Variants in CSDE1 observed in about 807,000 individuals in gnomAD.
CSDE1 encodes the protein cold shock domain containing E1.
CSDE1 carries 17 observed loss-of-function variants against 89.3 expected under a neutral mutation model. The observed-to-expected ratio is 0.19, with a 90% CI of 0.13 to 0.29. CSDE1 has a LOEUF of 0.29. CSDE1 is among the 10% of genes least tolerant of loss of function. The pLI, the probability that CSDE1 is intolerant of heterozygous loss-of-function variation, is 1.00. For missense variants in CSDE1, 672 were observed against 984.2 expected, an observed-to-expected ratio of 0.68 and a Z score of 4.24; for synonymous variants, 322 against 332.8, an observed-to-expected ratio of 0.97 and a Z score of 0.35.
chr1:114,750,555 T>C (rs375728113), intron 1 of CSDE1, among the ~76,000 whole-genome samples: 9 of 152,026 alleles, frequency 5.9e-5, no homozygotes, highest in South Asian at 2.1e-4. Context: ...CATGAGAGCA[T>C]AGACAATCTT....
At chr1:114,721,853 T>G (rs1391918339) in intron 16 of CSDE1, among the ~76,000 whole-genome samples, 1 of 150,366 alleles carries the variant, frequency 6.7e-6, no homozygotes, top group East Asian at 2.0e-4. Context: ...CCCGAAGTGT[T>G]GGGTTTACAG....
intron 8 of CSDE1, 47 bp downstream of exon 8, chr1:114,733,942 A>G (rs2101042300): frequency 6.2e-7 from 1 of 1,606,534 alleles, no homozygotes; most frequent in Non-Finnish European, 8.5e-7. Flanking sequence ...AACATAAACC[A>G]ACTCTGATCT....
Position 114,730,496 on chromosome 1 carries a change from G to GA in CSDE1, c.1191+11dup. Reference sequence around the variant, plus strand: ...AAGAAACACCTCCCAACTTTTCTCAGAAACAACTCACAGGAACCACAGTAA... The same window carrying GA: ...AAGAAACACCTCCCAACTTTTCTCAGAAAACAACTCACAGGAACCACAGTAA... On this transcript the variant is annotated intron_variant, in intron 11 of 19. Transcript: ENST00000358528. 6.2e-7 allele frequency: 1 copy of GA among 1,612,906 alleles called. No individual in the cohort carries two copies.
intron 16 of CSDE1, among the ~76,000 whole-genome samples, chr1:114,722,518 C>G (rs1207054147): frequency 2.0e-5 from 3 of 152,154 alleles, no homozygotes; most frequent in Non-Finnish European, 4.4e-5. Context: ...TAGTTCTTAC[C>G]AAGTGGGAAA....
At position 114,726,213 on chromosome 1, in the gene CSDE1, G is replaced by A; in HGVS notation, c.1638C>T (p.Tyr546=). The part of the protein sequence containing the change: ...ANHDKEIFFH[Y]SEFSGDVDSL... ...AGTTCCTGAAAGTCACGCCTTACCT[G>A]TAATGGAAAAAGATTTCCTTATCAT... Residue 546 remains tyrosine (Y), a splice_region_variant and synonymous_variant, in exon 14 of 20, where the codon TAC becomes TAT. Transcript: ENST00000358528. 1.2e-6 allele frequency: 2 copies of A among 1,604,968 alleles called. No homozygotes were observed. Among genetic ancestry groups the A allele is most frequent in the African/African-American group, 1.3e-5 (1 of 74,558 alleles).
intron 2 of CSDE1, among the ~76,000 whole-genome samples, chr1:114,742,143 C>T (rs1167407556): frequency 5.9e-5 from 9 of 152,154 alleles, no homozygotes; most frequent in African/African-American, 2.2e-4. Flanking sequence ...CTATGAGTAT[C>T]ATGTATTACT....
At chr1:114,724,530 A>G (rs1659694793) in intron 15 of CSDE1, among the ~76,000 whole-genome samples, 1 of 152,216 alleles carries the variant, frequency 6.6e-6, no homozygotes, top group Non-Finnish European at 1.5e-5. Flanking sequence ...AAAACATAAC[A>G]CACACTTAAG....
At chr1:114,740,512 A>T (rs916369594) in intron 2 of CSDE1, among the ~76,000 whole-genome samples, 3 of 152,232 alleles carry the variant, frequency 2.0e-5, no homozygotes, top group African/African-American at 7.2e-5. Flanking sequence ...CCAAGACAGC[A>T]AAAGCATTTC....
rs1570962596 is a variant in CSDE1 at position 114,753,218 on chromosome 1, C to G, written c.-387-3011G>C. 2.0e-5 allele frequency among the ~76,000 whole-genome samples: 3 copies of G among 152,260 alleles called. No homozygotes were observed. The East Asian group carries it at 5.8e-4, about 29-fold the overall frequency. ...AACACTTGAACTGGATTAACCCATT[C>G]CAGGTTGTCGTATCACATTAAGAAC... On this transcript the variant is annotated intron_variant, in intron 1 of 19. Coordinates refer to ENST00000358528, the MANE Select transcript of CSDE1 (RefSeq NM_001007553.3).
At chr1:114,737,153 A>G (rs1660449276) in intron 5 of CSDE1, among the ~76,000 whole-genome samples, 1 of 152,144 alleles carries the variant, frequency 6.6e-6, no homozygotes, top group Admixed American at 6.5e-5. Flanking sequence ...AGGCATTCCA[A>G]ACAAAAAAAG....
rs1392019898 is a variant in CSDE1, at chr1:114,717,326, G to C, written c.*843C>G. 6.6e-6 allele frequency: 1 copy of C among 151,154 alleles called. No homozygotes were observed. Among genetic ancestry groups the C allele is most frequent in the African/African-American group, 2.4e-5 (1 of 41,084 alleles). 9.4% of individuals were successfully genotyped at this position (151,154 alleles called of 1,614,324 possible). On this transcript the variant is annotated 3_prime_UTR_variant, in exon 20 of 20. Transcript: ENST00000358528. ...CAACTTTTTTATTTTTTTTTGTTTT[G>C]TTTTTAAATCAGTAAAAGAAACCGG...
chr1:114,742,298 A>C (rs1004697997), intron 2 of CSDE1, among the ~76,000 whole-genome samples: 3 of 152,150 alleles, frequency 2.0e-5, no homozygotes, highest in African/African-American at 7.2e-5. Flanking sequence ...CTTCACAAAT[A>C]AGACAAATGA....
chr1:114,719,455 G>C, intron 18 of CSDE1, 124 bp downstream of exon 18: 1 of 1,014,214 alleles, frequency 9.9e-7, no homozygotes, highest in African/African-American at 1.6e-5. Context: ...ACTAGAAGTA[G>C]GAAGTATCAA....
intron 12 of CSDE1, chr1:114,727,707 T>TA (rs1436433560): frequency 1.3e-5 from 2 of 152,162 alleles, no homozygotes; most frequent in Non-Finnish European, 2.9e-5. Context: ...GATTAACTCT[T>TA]AAAAAATCTA....
At chr1:114,724,188 A>C in intron 15 of CSDE1, 186 bp from the exon 16 acceptor site, 1 of 432,228 alleles carries the variant, frequency 2.3e-6, no homozygotes, top group Non-Finnish European at 4.1e-6. Context: ...AATACTTCTA[A>C]ACTACCAAAA....
In CSDE1 at chr1:114,733,989, A is replaced by G. The variant is rs1660256852; in HGVS notation, c.711T>C (p.Asn237=). ...DDVEFTIKDR[N]GKEVATDVRL... ...AGATCAAGTTAACTGACTGTCTTAC[A>G]TTTCTGTCCTTGATTGTGAATTCCA... The change falls in exon 8 of 20, where the codon AAT becomes AAC. Residue 237 remains asparagine (N), a splice_region_variant and synonymous_variant. Transcript: ENST00000358528. The G allele has an allele frequency of 3.1e-6, 5 of 1,611,150 alleles. No individual in the cohort carries two copies. The South Asian group carries it at 5.5e-5, about 18-fold the overall frequency.
Position 114,739,685 on chromosome 1 carries a change from A to AG in CSDE1, c.199+6dup, listed in dbSNP as rs1402604659. ...TACATTTTTACAAAGGAGAACTGACAGATTACCTCCTACTTTTAAGTCTTG... is the reference window on the plus strand; with the variant it reads ...TACATTTTTACAAAGGAGAACTGACAGGATTACCTCCTACTTTTAAGTCTTG... On this transcript the variant is annotated splice_region_variant and intron_variant, in intron 3 of 19. Transcript: ENST00000358528. 1 of 1,594,146 alleles carries AG rather than the reference A, an allele frequency of 6.3e-7. No homozygotes were observed. The highest frequency in any genetic ancestry group is 1.1e-5 in the South Asian group (1 of 90,608).
chr1:114,747,683 C>A (rs1178599253), intron 2 of CSDE1, among the ~76,000 whole-genome samples: 1 of 152,012 alleles, frequency 6.6e-6, no homozygotes, highest in African/African-American at 2.4e-5. Context: ...CACGGTGAAA[C>A]CCCGTCTCTA....
At chr1:114,754,087 C>T (rs1032210588) in intron 1 of CSDE1, among the ~76,000 whole-genome samples, 2 of 152,226 alleles carry the variant, frequency 1.3e-5, no homozygotes, top group African/African-American at 4.8e-5. Flanking sequence ...CTCCCGGGTT[C>T]AAGCGATTCT....
Sources: gnomAD v4.1 joint callset for allele counts (sites outside exome capture counted in the v4.1 genomes callset) on GRCh38, gnomAD v4.1.1 for gene constraint, MANE v1.5 for transcripts, NCBI Gene and HGNC (gene_info 2026-07-23, HGNC 2026-07-21) for gene names.